The following KAZN variants were observed in gnomAD, a reference collection of about 807,000 sequenced individuals.
The protein encoded by KAZN is kazrin, periplakin interacting protein, also known as kazrin.
Under a neutral mutation model 87.4 loss-of-function variants are expected in KAZN, and 40 were observed. The observed-to-expected ratio is 0.46, with a 90% CI of 0.36 to 0.60. KAZN has a LOEUF of 0.60. Among genes scored for constraint, KAZN ranks in the 20% least tolerant of loss-of-function variants. The pLI is 0.00. For synonymous variants in KAZN, 466 were observed against 458.3 expected (o/e 1.02, Z -0.22); for missense variants, 898 against 1,073.9 (o/e 0.84, Z 2.29).
chr1:15,005,759 G>A (rs937376190), intron 2 of KAZN, among the ~76,000 whole-genome samples: 2 of 151,330 alleles, frequency 1.3e-5, no homozygotes, highest in Non-Finnish European at 2.9e-5. Context: ...CTGCACTCCA[G>A]CCTGCATGGC....
At chr1:14,972,301 A>T (rs1665140870) in intron 2 of KAZN, among the ~76,000 whole-genome samples, 1 of 152,202 alleles carries the variant, frequency 6.6e-6, no homozygotes, top group East Asian at 1.9e-4. Flanking sequence ...TCCCAGGAGA[A>T]GACCTTTGGT....
chr1:14,135,834 A>C (rs192587348), intron 1 of KAZN, among the ~76,000 whole-genome samples: 1 of 152,340 alleles, frequency 6.6e-6, no homozygotes, highest in Admixed American at 6.5e-5. Context: ...TCTCGAATTA[A>C]AATGGAGGCT....
intron 1 of KAZN, among the ~76,000 whole-genome samples, chr1:14,109,135 C>T (rs756098846): frequency 1.3e-5 from 2 of 152,128 alleles, no homozygotes; most frequent in South Asian, 2.1e-4. Flanking sequence ...TGCCTGGGTA[C>T]CGAAGATTGT....
chr1:15,098,181 TA>T, intron 10 of KAZN, among the ~76,000 whole-genome samples: 1 of 152,346 alleles, frequency 6.6e-6, no homozygotes, highest in Non-Finnish European at 1.5e-5. Context: ...AGACAATATC[TA>T]AATTTTGTGC....
At chr1:13,955,279 C>G (rs995670431) in intron 1 of KAZN, among the ~76,000 whole-genome samples, 1 of 151,950 alleles carries the variant, frequency 6.6e-6, no homozygotes, top group Non-Finnish European at 1.5e-5. Flanking sequence ...TGCTCATAAC[C>G]GTTATACCCG....
At chr1:14,290,253 A>G (rs1244379491) in intron 2 of KAZN, among the ~76,000 whole-genome samples, 1 of 152,188 alleles carries the variant, frequency 6.6e-6, no homozygotes, top group East Asian at 1.9e-4. Flanking sequence ...TATCTCCTGG[A>G]TAATTTCCTG....
intron 2 of KAZN, among the ~76,000 whole-genome samples, chr1:14,492,938 T>C (rs1260791596): frequency 6.6e-6 from 1 of 152,004 alleles, no homozygotes; most frequent in East Asian, 2.0e-4. Context: ...CCTCTTGACC[T>C]GGACATTCCT....
chr1:14,802,824 C>G (rs1291802809), intron 1 of KAZN, among the ~76,000 whole-genome samples: 1 of 152,046 alleles, frequency 6.6e-6, no homozygotes, highest in Non-Finnish European at 1.5e-5. Flanking sequence ...GGTGATGGAG[C>G]CTGTTATTCT....
chr1:14,352,191 T>A (rs1658600414), intron 2 of KAZN, among the ~76,000 whole-genome samples: 1 of 152,230 alleles, frequency 6.6e-6, no homozygotes, highest in South Asian at 2.1e-4. Context: ...TGAAAAAGAT[T>A]TTTTCACATC....
At chr1:14,478,274 A>AAAGGAAGGAAGG (rs575798813) in intron 2 of KAZN, among the ~76,000 whole-genome samples, 3 of 111,402 alleles carry the variant, frequency 2.7e-5, no homozygotes, top group South Asian at 2.8e-4. Flanking sequence ...AGGAAGGAAG[A>AAAGGAAGGAAGG]AAGGAAGGAA....
At chr1:14,267,011 A>G (rs569822611) in intron 2 of KAZN, among the ~76,000 whole-genome samples, 48 of 151,304 alleles carry the variant, frequency 3.2e-4, no homozygotes, top group Non-Finnish European at 5.7e-4. Flanking sequence ...AGCATTAGGT[A>G]TATTTCTTAA....
intron 2 of KAZN, among the ~76,000 whole-genome samples, chr1:14,246,916 C>A (rs1649571215): frequency 6.6e-6 from 1 of 152,056 alleles, no homozygotes; most frequent in Non-Finnish European, 1.5e-5. Context: ...ATTTCTGAGT[C>A]TCCAGAAATG....
At chr1:13,950,851 G>A (rs1641319046) in intron 1 of KAZN, among the ~76,000 whole-genome samples, 1 of 152,178 alleles carries the variant, frequency 6.6e-6, no homozygotes, top group Admixed American at 6.5e-5. Context: ...CTCTTGGGGC[G>A]TTTCAGGGGC....
intron 2 of KAZN, among the ~76,000 whole-genome samples, chr1:14,302,998 C>A (rs1280384711): frequency 1.3e-5 from 2 of 152,128 alleles, no homozygotes; most frequent in African/African-American, 4.8e-5. Context: ...TTTGTTATGT[C>A]TTTGCCTGTG....
chr1:14,778,051 T>C (rs138981204), intron 1 of KAZN, among the ~76,000 whole-genome samples: 1 of 152,352 alleles, frequency 6.6e-6, no homozygotes, highest in Admixed American at 6.5e-5. Flanking sequence ...CTTTATGGCC[T>C]GTATCCTGTG....
At position 14,137,168 on chromosome 1, in the gene KAZN, G is replaced by T. The variant is rs140697885; in HGVS notation, c.92-43267G>T. ...CCATCCCAGCCAGAGCTCCGGGAATGGAGTCCAGCCCAGTCCTTAGGAATA... is the reference window on the plus strand; with the variant it reads ...CCATCCCAGCCAGAGCTCCGGGAATTGAGTCCAGCCCAGTCCTTAGGAATA... On this transcript the variant is annotated intron_variant, in intron 1 of 16. Transcript: ENST00000636203. Among the ~76,000 whole-genome samples, 1,121 of 152,278 alleles carry T rather than the reference G, an allele frequency of 7.4e-3. 14 individuals are homozygous for T. Among genetic ancestry groups the T allele is most frequent in the South Asian group, 0.046 (224 of 4,826 alleles).
intron 1 of KAZN, among the ~76,000 whole-genome samples, chr1:14,900,209 T>TG (rs1339343476): frequency 6.6e-6 from 1 of 152,178 alleles, no homozygotes; most frequent in Non-Finnish European, 1.5e-5. Flanking sequence ...GCCAATGTTC[T>TG]GATTCCCGCT....
intron 1 of KAZN, among the ~76,000 whole-genome samples, chr1:13,982,361 G>A (rs1041277242): frequency 3.9e-5 from 6 of 152,288 alleles, no homozygotes; most frequent in South Asian, 2.1e-4. Context: ...TCTGATGTTC[G>A]GATGTGTTCG....
At chr1:15,048,611 GC>G (rs1673863194) in intron 4 of KAZN, among the ~76,000 whole-genome samples, 2 of 132,676 alleles carry the variant, frequency 1.5e-5, no homozygotes, top group Non-Finnish European at 1.5e-5. Context: ...GTCCTGGGTC[GC>G]TGGTCCTGGG....
Sources: gnomAD v4.1 joint callset for allele counts (sites outside exome capture counted in the v4.1 genomes callset) on GRCh38, gnomAD v4.1.1 for gene constraint, MANE v1.5 for transcripts, NCBI Gene and HGNC (gene_info 2026-07-23, HGNC 2026-07-21) for gene names.